Variants in DLG2 observed in about 807,000 individuals in gnomAD.
DLG2 encodes disks large homolog 2.
DLG2 carries 45 observed loss-of-function variants against 132.5 expected under a neutral mutation model. That is an observed-to-expected ratio of 0.34 (90% confidence interval 0.27 to 0.44). The LOEUF is 0.44. Among genes scored for constraint, DLG2 ranks in the 20% least tolerant of loss-of-function variants. The probability of loss-of-function intolerance (pLI) is 1.00; values close to 1 mark genes in which losing one functional copy is unlikely to be tolerated. For synonymous variants in DLG2, 424 were observed against 419.6 expected (o/e 1.01, Z -0.13); for missense variants, 1,045 against 1,196.9 (o/e 0.87, Z 1.87).
chr11:84,916,180 C>T (rs1174831928), intron 6 of DLG2, among the ~76,000 whole-genome samples: 1 of 150,664 alleles, frequency 6.6e-6, no homozygotes, highest in African/African-American at 2.4e-5. Flanking sequence ...CCCGTCTCTA[C>T]TAAAAATACA....
chr11:85,051,617 C>A (rs776155975), intron 6 of DLG2, among the ~76,000 whole-genome samples: 4 of 151,874 alleles, frequency 2.6e-5, no homozygotes, highest in Non-Finnish European at 5.9e-5. Flanking sequence ...TAGAAGGAGG[C>A]GTGGAAAATG....
At chr11:84,111,906 C>A (rs2093367889) in intron 9 of DLG2, among the ~76,000 whole-genome samples, 1 of 152,142 alleles carries the variant, frequency 6.6e-6, no homozygotes, top group Non-Finnish European at 1.5e-5. Flanking sequence ...CTCTTGTTTT[C>A]ATCCTTTTAT....
chr11:85,284,863 A>G (rs551760959), intron 4 of DLG2, among the ~76,000 whole-genome samples: 1 of 151,794 alleles, frequency 6.6e-6, no homozygotes, highest in Non-Finnish European at 1.5e-5. Context: ...TGCCCTTCCT[A>G]TGGAAATCAG....
At chr11:84,478,605 T>G (rs949538780) in intron 7 of DLG2, among the ~76,000 whole-genome samples, 6 of 152,092 alleles carry the variant, frequency 3.9e-5, no homozygotes, top group Non-Finnish European at 8.8e-5. Context: ...GAGTAGAACT[T>G]CTGGATGAGA....
chr11:83,616,500 G>T (rs200904082), intron 19 of DLG2, among the ~76,000 whole-genome samples: 15 of 149,800 alleles, frequency 1.0e-4, no homozygotes, highest in African/African-American at 3.4e-4. Context: ...AAAAAAAAAT[G>T]TTTTTTTTTT....
chr11:84,740,842 A>G (rs1381139937), intron 6 of DLG2, among the ~76,000 whole-genome samples: 2 of 152,114 alleles, frequency 1.3e-5, no homozygotes, highest in Non-Finnish European at 2.9e-5. Context: ...TTCTTGAGCC[A>G]CTGAGTAGAT....
intron 15 of DLG2, among the ~76,000 whole-genome samples, chr11:83,919,773 C>T (rs749983847): frequency 1.3e-5 from 2 of 152,192 alleles, no homozygotes; most frequent in African/African-American, 4.8e-5. Flanking sequence ...ACCCAACCAT[C>T]TCTGAACCTA....
At chr11:84,502,394 CTTTCTTTCTTTCTT>C (rs2099221458) in intron 7 of DLG2, among the ~76,000 whole-genome samples, 1 of 93,438 alleles carries the variant, frequency 1.1e-5, no homozygotes, top group Non-Finnish European at 2.1e-5. Flanking sequence ...TTCTTTCTTT[CTTTCTTTCTTTCTT>C]TCTTTCTATA....
At chr11:83,902,663 C>T (rs1337080749) in intron 15 of DLG2, among the ~76,000 whole-genome samples, 1 of 152,066 alleles carries the variant, frequency 6.6e-6, no homozygotes, top group Non-Finnish European at 1.5e-5. Flanking sequence ...TGTGTGGTCC[C>T]AGAAGGTAGC....
At chr11:84,667,939 TA>T (rs2099701626) in intron 6 of DLG2, among the ~76,000 whole-genome samples, 2 of 152,130 alleles carry the variant, frequency 1.3e-5, no homozygotes, top group Admixed American at 1.3e-4. Flanking sequence ...TATTATTTAA[TA>T]ATTGAGCAAC....
chr11:84,090,861 C>T (rs2097080729), intron 10 of DLG2, among the ~76,000 whole-genome samples: 1 of 152,064 alleles, frequency 6.6e-6, no homozygotes, highest in East Asian at 1.9e-4. Flanking sequence ...AAAATAAATT[C>T]CAAACAATGT....
intron 6 of DLG2, among the ~76,000 whole-genome samples, chr11:84,799,955 G>A (rs2075165049): frequency 6.6e-6 from 1 of 152,178 alleles, no homozygotes; most frequent in African/African-American, 2.4e-5. Flanking sequence ...TTTATGAGAA[G>A]CTCTTTCTCA....
intron 3 of DLG2, among the ~76,000 whole-genome samples, chr11:85,496,076 C>T (rs560370823): frequency 1.3e-4 from 20 of 152,266 alleles, no homozygotes; most frequent in South Asian, 2.1e-4. Flanking sequence ...CCACAGAGGG[C>T]GAGCCAAAGC....
chr11:84,978,559 T>C (rs1176011848), intron 6 of DLG2, among the ~76,000 whole-genome samples: 1 of 152,068 alleles, frequency 6.6e-6, no homozygotes, highest in Non-Finnish European at 1.5e-5. Flanking sequence ...AAACAAGAAA[T>C]GGGGAAAGGA....
chr11:83,691,849 C>T (rs1287406077), intron 18 of DLG2, among the ~76,000 whole-genome samples: 3 of 152,090 alleles, frequency 2.0e-5, no homozygotes, highest in African/African-American at 7.3e-5. Context: ...GAAGACCAGA[C>T]ATGTGAACAT....
intron 19 of DLG2, among the ~76,000 whole-genome samples, chr11:83,605,043 T>C (rs911433537): frequency 4.4e-5 from 4 of 91,024 alleles, no homozygotes; most frequent in Non-Finnish European, 7.1e-5. Flanking sequence ...GAGAGATTGA[T>C]TGATTCACAG....
chr11:85,141,884 T>C (rs2076506018), intron 5 of DLG2, among the ~76,000 whole-genome samples: 2 of 151,948 alleles, frequency 1.3e-5, no homozygotes, highest in South Asian at 2.1e-4. Context: ...GATTTATTTT[T>C]GCATTCTCTA....
chr11:85,374,093 G>A (rs1302417252), intron 3 of DLG2, among the ~76,000 whole-genome samples: 1 of 152,146 alleles, frequency 6.6e-6, no homozygotes, highest in Non-Finnish European at 1.5e-5. Flanking sequence ...ACTGACCTAA[G>A]ATGCTTTGTG....
rs142881564 is a variant in DLG2, at chr11:84,051,739, G to A, written c.919+7576C>T. Among the ~76,000 whole-genome samples the A allele has an allele frequency of 9.0e-3, 1,362 of 151,108 alleles. 22 individuals are homozygous for A. The highest frequency in any genetic ancestry group is 0.031 in the African/African-American group (1,283 of 41,126). ...GTATACATATGTAACTAACCTGCAC[G>A]TTGTGCACATGTACCCTAAAACTTA... is the stretch of plus-strand genomic sequence containing the variant. On this transcript the variant is annotated intron_variant, in intron 11 of 27. Coordinates refer to ENST00000376104, the MANE Select transcript of DLG2 (RefSeq NM_001142699.3).
Sources: allele counts gnomAD v4.1 joint callset (sites outside exome capture counted in the v4.1 genomes callset), GRCh38; gene constraint gnomAD v4.1.1; transcripts MANE v1.5; gene names NCBI Gene and HGNC (gene_info 2026-07-23, HGNC 2026-07-21).